The following PPP1R21 variants were observed in gnomAD, a reference collection of about 807,000 sequenced individuals.
The protein encoded by PPP1R21 is protein phosphatase 1 regulatory subunit 21.
Under a neutral mutation model 112.8 loss-of-function variants are expected in PPP1R21, and 85 were observed. That is an observed-to-expected ratio of 0.75 (90% CI 0.63 to 0.90). PPP1R21 has a LOEUF of 0.90. Among genes scored for constraint, PPP1R21 ranks in the 40% least tolerant of loss-of-function variants. The pLI is 0.00. For synonymous variants in PPP1R21, 381 were observed against 322.3 expected, an observed-to-expected ratio of 1.18 and a Z score of -1.95; for missense variants, 1,199 against 901.5, an observed-to-expected ratio of 1.33 and a Z score of -4.23.
intron 12 of PPP1R21, chr2:48,479,646 T>C (rs778419582): frequency 2.5e-5 from 15 of 602,164 alleles, no homozygotes; most frequent in African/African-American, 3.7e-5. Context: ...ACAAAGACTT[T>C]CGTTTTACAA....
At position 48,479,977 on chromosome 2, in the gene PPP1R21, G is replaced by A. The variant is rs1468021519; in HGVS notation, c.1279G>A (p.Val427Ile). The A allele has an allele frequency of 6.2e-7, 1 of 1,613,366 alleles. No individual in the cohort carries two copies. Among genetic ancestry groups the A allele is most frequent in the Non-Finnish European group, 8.5e-7 (1 of 1,179,312 alleles). ...AAACTACAGTTCTGTGTTAACAAATGTTGGTGCTGCTCTGCATGGATTTCA... is the reference window on the plus strand; with the variant it reads ...AAACTACAGTTCTGTGTTAACAAATATTGGTGCTGCTCTGCATGGATTTCA... ...RTNYSSVLTN[V>I]GAALHGFHDV... Residue 427 changes from valine (V) to isoleucine (I), a missense_variant, in exon 13 of 22, where the codon GTT becomes ATT. Coordinates refer to ENST00000294952, the MANE Select transcript of PPP1R21 (RefSeq NM_001135629.3).
intron 21 of PPP1R21, among the ~76,000 whole-genome samples, chr2:48,512,904 A>G (rs1670704768): frequency 6.6e-6 from 1 of 152,230 alleles, no homozygotes; most frequent in South Asian, 2.1e-4. Context: ...GCAGAGCAAT[A>G]TCTAATTCAC....
chr2:48,461,743 G>A (rs1169585622), intron 7 of PPP1R21, among the ~76,000 whole-genome samples: 1 of 152,170 alleles, frequency 6.6e-6, no homozygotes, highest in Non-Finnish European at 1.5e-5. Flanking sequence ...CTTTACATGT[G>A]TAATAGGTGC....
chr2:48,472,714 C>T (rs1041698117), intron 11 of PPP1R21, among the ~76,000 whole-genome samples: 1 of 151,810 alleles, frequency 6.6e-6, no homozygotes, highest in Non-Finnish European at 1.5e-5. Context: ...CTTGTGAGGT[C>T]GAGGCGGGAA....
chr2:48,440,875 C>G lies in PPP1R21; in HGVS notation c.-79C>G, dbSNP rs1013948201. On this transcript the variant is annotated 5_prime_UTR_variant, in exon 1 of 22. Transcript: ENST00000294952. ...AGGCAGATACTGCCTGACCCGTTCC[C>G]GGGAGCGTGTCTGGGTTTGGGGGCG... The G allele has an allele frequency of 6.0e-6, 5 of 831,436 alleles. No homozygotes were observed. Among genetic ancestry groups the G allele is most frequent in the Admixed American group, 2.7e-5 (1 of 37,300 alleles). The allele number at this position is 831,436 out of a possible 1,614,324, so 51.5% of individuals were successfully genotyped here.
intron 16 of PPP1R21, among the ~76,000 whole-genome samples, chr2:48,496,430 A>G (rs1424160177): frequency 6.6e-6 from 1 of 151,686 alleles, no homozygotes; most frequent in Non-Finnish European, 1.5e-5. Flanking sequence ...GCTGCTGTAC[A>G]GAGAAGAATC....
chr2:48,512,972 T>A (rs1293521345), intron 21 of PPP1R21, among the ~76,000 whole-genome samples: 1 of 152,216 alleles, frequency 6.6e-6, no homozygotes, highest in African/African-American at 2.4e-5. Context: ...GTGTTTTGGG[T>A]TTTCTCATGG....
At chr2:48,465,416 C>T (rs560945336) in intron 8 of PPP1R21, 77 bp from the exon 9 acceptor site, 2 of 1,311,384 alleles carry the variant, frequency 1.5e-6, no homozygotes, top group African/African-American at 3.0e-5. Context: ...AATGTTTTCT[C>T]CAGATCAGAC....
chr2:48,494,529 C>T (rs1320332809), intron 15 of PPP1R21, among the ~76,000 whole-genome samples: 5 of 149,396 alleles, frequency 3.3e-5, no homozygotes, highest in East Asian at 2.0e-4. Context: ...TGGGTTCAAG[C>T]GATTCTCCTG....
In PPP1R21 at chr2:48,459,857, G is replaced by T; in HGVS notation, c.479G>T (p.Gly160Val). 15 of 1,614,204 alleles carry T rather than the reference G, an allele frequency of 9.3e-6. No homozygotes were observed. The highest frequency in any genetic ancestry group is 1.3e-5 in the Non-Finnish European group (15 of 1,180,050). Residue 160 changes from glycine to valine, a missense_variant, in exon 5 of 22, where the codon GGT becomes GTT. Gly to Val is a moderately radical substitution (Grantham distance 109). Transcript: ENST00000294952. The part of the protein sequence containing the change: ...EAAQHQAVVD[G>V]LTRKYMETIE... ...GCCCAGCACCAAGCTGTGGTTGACG[G>T]TCTCACCCGGAAGTACATGGAAACC...
intron 17 of PPP1R21, among the ~76,000 whole-genome samples, chr2:48,504,377 TC>T (rs1396834630): frequency 6.6e-6 from 1 of 152,190 alleles, no homozygotes; most frequent in Non-Finnish European, 1.5e-5. Flanking sequence ...GTGCGGTGGC[TC>T]TTGCCTGTAA....
intron 15 of PPP1R21, among the ~76,000 whole-genome samples, chr2:48,494,239 CAAAAAAAAAAAAAAAAAAAAAAAA>C (rs70943345): frequency 2.6e-4 from 11 of 42,270 alleles, no homozygotes; most frequent in South Asian, 2.9e-3. Context: ...GACCTTGTCT[CAAAAAAAAAAAAAAAAAAAAAAAA>C]AAAAAAAAAA....
In PPP1R21 at chr2:48,465,633, G is replaced by A. The variant is rs770734190; in HGVS notation, c.888G>A (p.Leu296=). The change falls in exon 9 of 22, where the codon TTG becomes TTA. Residue 296 remains leucine, a synonymous_variant. Coordinates refer to ENST00000294952, the MANE Select transcript of PPP1R21 (RefSeq NM_001135629.3). ...CTGCCATTGACACTATATCTCCATT[G>A]AATCAGAAGGTAAATTTAATTCAGG... ...VDSAIDTISP[L]NQKFSQYLHE... 6.2e-7 allele frequency: 1 copy of A among 1,608,628 alleles called. No individual in the cohort carries two copies. Among genetic ancestry groups the A allele is most frequent in the Non-Finnish European group, 8.5e-7 (1 of 1,178,630 alleles).
chr2:48,478,009 A>C (rs1406481341), intron 12 of PPP1R21, among the ~76,000 whole-genome samples: 1 of 152,224 alleles, frequency 6.6e-6, no homozygotes. Context: ...CGAGACAGAG[A>C]CACACAGAAT....
intron 17 of PPP1R21, among the ~76,000 whole-genome samples, chr2:48,499,203 C>T (rs145557424): frequency 3.0e-4 from 45 of 152,162 alleles, no homozygotes; most frequent in African/African-American, 9.4e-4. Context: ...AGGAGTGATC[C>T]GTGTACTCTA....
At position 48,475,774 on chromosome 2, in the gene PPP1R21, G is replaced by A. The variant is rs1668726299; in HGVS notation, c.1225+955G>A. Among the ~76,000 whole-genome samples the A allele has an allele frequency of 3.3e-5, 5 of 152,192 alleles. No homozygotes were observed. In the South Asian group the frequency reaches 1.0e-3, roughly 32 times the overall value. On this transcript the variant is annotated intron_variant, in intron 12 of 21. Coordinates refer to ENST00000294952, the MANE Select transcript of PPP1R21 (RefSeq NM_001135629.3). The stretch of plus-strand genomic sequence containing the variant: ...AGGCAGGAGAATCGCGTGAGCCTGG[G>A]AGGCAGAGGATGCAGTGAGCTGAGA...
In PPP1R21 at chr2:48,495,677, A is replaced by G; in HGVS notation, c.1600-2A>G. On this transcript the variant is annotated splice_acceptor_variant, in intron 15 of 21. Transcript: ENST00000294952. LOFTEE classifies it high-confidence loss of function. ...TTAATTCTTATGATGCTTTTATCAT[A>G]GCCCCTCTTGGAGTCTGTGCCTTAT... 2 of 1,570,802 alleles carry G rather than the reference A, an allele frequency of 1.3e-6. No homozygotes were observed. Among genetic ancestry groups the G allele is most frequent in the South Asian group, 1.1e-5 (1 of 90,046 alleles).
At chr2:48,512,346 C>T (rs912308476) in intron 21 of PPP1R21, among the ~76,000 whole-genome samples, 1 of 151,836 alleles carries the variant, frequency 6.6e-6, no homozygotes, top group African/African-American at 2.4e-5. Flanking sequence ...TTTGGGAGGC[C>T]AGGGGCTCAC....
intron 7 of PPP1R21, among the ~76,000 whole-genome samples, chr2:48,462,809 T>G (rs1668034025): frequency 1.3e-5 from 2 of 151,616 alleles, no homozygotes; most frequent in South Asian, 4.2e-4. Context: ...GAGTGTAGAT[T>G]ACCTAGGAGT....
Sources: gnomAD v4.1 joint callset for allele counts (sites outside exome capture counted in the v4.1 genomes callset) on GRCh38, gnomAD v4.1.1 for gene constraint, MANE v1.5 for transcripts, NCBI Gene and HGNC (gene_info 2026-07-23, HGNC 2026-07-21) for gene names.